Variants in ATG2A observed in about 807,000 individuals in gnomAD.
The protein encoded by ATG2A is autophagy-related protein 2 homolog A.
Under a neutral mutation model 214.2 loss-of-function variants are expected in ATG2A, and 103 were observed. That is an observed-to-expected ratio of 0.48 (90% confidence interval 0.41 to 0.57). The LOEUF (loss-of-function observed/expected upper bound fraction) is 0.57. ATG2A is among the 20% of genes least tolerant of loss of function. The pLI, the probability that ATG2A is intolerant of heterozygous loss-of-function variation, is 0.00. For synonymous variants in ATG2A, 1,160 were observed against 1,142.1 expected (o/e 1.02, Z -0.32); for missense variants, 2,312 against 2,613.2 (o/e 0.88, Z 2.51).
intron 24 of ATG2A, among the ~76,000 whole-genome samples, chr11:64,904,502 G>A (rs183255116): frequency 2.0e-5 from 3 of 150,002 alleles, no homozygotes; most frequent in African/African-American, 4.9e-5. Context: ...CTGAGATTGC[G>A]CCACTGCACT....
At position 64,911,707 on chromosome 11, in the gene ATG2A, C is replaced by G. The variant is rs1293067147; in HGVS notation, c.1228+135G>C. On this transcript the variant is annotated intron_variant, in intron 9 of 40. Coordinates refer to ENST00000377264, the MANE Select transcript of ATG2A (RefSeq NM_015104.3). ...CACCAGCTCCCACCTTGTTTGGTCCCCAGGGAACCAAGTCACAGATGGTAG... is the reference window on the plus strand; with the variant it reads ...CACCAGCTCCCACCTTGTTTGGTCCGCAGGGAACCAAGTCACAGATGGTAG... 3.8e-6 allele frequency: 5 copies of G among 1,304,612 alleles called. No homozygotes were observed. In the East Asian group the frequency reaches 7.4e-5, roughly 19 times the overall value. 80.8% of individuals were successfully genotyped at this position (1,304,612 alleles called of 1,614,324 possible).
intron 31 of ATG2A, among the ~76,000 whole-genome samples, chr11:64,900,025 A>ATTTTTTT (rs35952373): frequency 1.7e-5 from 2 of 120,092 alleles, no homozygotes; most frequent in African/African-American, 6.0e-5. Flanking sequence ...CAAATGGTTA[A>ATTTTTTT]TTTTTTTTTT....
In ATG2A at chr11:64,907,647, A is replaced by G. The variant is rs748969801; in HGVS notation, c.2525T>C (p.Leu842Pro). Residue 842 changes from leucine to proline, a missense_variant, in exon 18 of 41, where the codon CTC becomes CCC. By Grantham distance (98) the Leu-to-Pro change is moderately conservative. Transcript: ENST00000377264. ...SIYNRINNDLLMWEPADLLPT... is the reference protein window; with the variant it reads ...SIYNRINNDLPMWEPADLLPT... ...AAGCAGATCTGCAGGCTCCCACATG[A>G]GCAGGTCGTTGTTGATCCTGAGATA... 1 of 1,599,270 alleles carries G rather than the reference A, an allele frequency of 6.3e-7. No homozygotes were observed. The highest frequency in any genetic ancestry group is 8.5e-7 in the Non-Finnish European group (1 of 1,172,676).
rs372693080 is a variant in ATG2A, at chr11:64,909,907, C to T, written c.1881G>A (p.Ala627=). Residue 627 remains alanine (A), a synonymous_variant, in exon 14 of 41, where the codon GCG becomes GCA. Transcript: ENST00000377264. ...GCCGAAATACCGTCTGCTGCTCCAT[C>T]GCCGGCAGGGGCTCTGTCTGCAGGA... ...PAGLLTEPLP[A]MEQQTVFRLS... 6.9e-6 allele frequency: 11 copies of T among 1,603,088 alleles called. No individual in the cohort carries two copies. The highest frequency in any genetic ancestry group is 9.4e-6 in the Non-Finnish European group (11 of 1,175,374).
In ATG2A at chr11:64,898,847, G is replaced by A; in HGVS notation, c.4465-5C>T. The A allele has an allele frequency of 6.2e-7, 1 of 1,606,350 alleles. No homozygotes were observed. Among genetic ancestry groups the A allele is most frequent in the Non-Finnish European group, 8.5e-7 (1 of 1,179,292 alleles). On this transcript the variant is annotated splice_polypyrimidine_tract_variant and splice_region_variant and intron_variant, in intron 31 of 40. Coordinates refer to ENST00000377264, the MANE Select transcript of ATG2A (RefSeq NM_015104.3). The surrounding 1 kb of genome is among the most constrained non-coding windows in gnomAD (Gnocchi z 4.5). Reference sequence around the variant, plus strand: ...CACCTCGTGCTGGAAGCTTACCTGTGGGGTGGACAGAGGCCTGGCCAGGTA... The same window carrying A: ...CACCTCGTGCTGGAAGCTTACCTGTAGGGTGGACAGAGGCCTGGCCAGGTA...
chr11:64,916,918 G>GA (rs1945011253), intron 1 of ATG2A, 47 bp downstream of exon 1: 5 of 1,604,298 alleles, frequency 3.1e-6, no homozygotes, highest in Admixed American at 1.7e-5. Context: ...TCAGGTCGCT[G>GA]CGCTCCCACC....
In ATG2A at chr11:64,910,827, A is replaced by G. The variant is rs1944742716; in HGVS notation, c.1594T>C (p.Ser532Pro). The G allele has an allele frequency of 3.1e-6, 5 of 1,609,722 alleles. No homozygotes were observed. The highest frequency in any genetic ancestry group is 1.1e-5 in the South Asian group (1 of 90,378). The part of the protein sequence containing the change: ...VLECLWPRGT[S>P]EPEYTEILTF... ...CTCACCTCCGTGTACTCAGGCTCAG[A>G]GGTGCCCCGGGGCCACAGACACTCC... The change falls in exon 11 of 41, where the codon TCT (serine) becomes CCT (proline). Residue 532 changes from serine (S) to proline (P), a missense_variant. Transcript: ENST00000377264.
At position 64,903,192 on chromosome 11, in the gene ATG2A, G is replaced by A. The variant is rs922680207; in HGVS notation, c.3612+96C>T. ...GGAAGGGCAGGCATGAACTGTGTCC[G>A]GAGCCCAGGCACGTGAGGGAGCAGC... On this transcript the variant is annotated intron_variant, in intron 26 of 40. Coordinates refer to ENST00000377264, the MANE Select transcript of ATG2A (RefSeq NM_015104.3). The surrounding 1 kb of genome is among the most constrained non-coding windows in gnomAD (Gnocchi z 4.2). 1.8e-5 allele frequency: 22 copies of A among 1,192,188 alleles called. No individual in the cohort carries two copies. The highest frequency in any genetic ancestry group is 9.0e-5 in the African/African-American group (6 of 66,484). The allele number at this position is 1,192,188 out of a possible 1,614,324, so 73.9% of individuals were successfully genotyped here.
intron 16 of ATG2A, among the ~76,000 whole-genome samples, chr11:64,908,307 C>G (rs1021420650): frequency 1.3e-5 from 2 of 152,158 alleles, no homozygotes; most frequent in Admixed American, 6.5e-5. Flanking sequence ...AATCCCAGCA[C>G]TTTGGGAGGC....
intron 26 of ATG2A, 151 bp from the exon 27 acceptor site, chr11:64,902,831 C>T (rs926728486): frequency 3.1e-5 from 21 of 678,460 alleles, no homozygotes; most frequent in Non-Finnish European, 5.0e-5. Context: ...TGCCCAGTAA[C>T]TCCACTGAAC....
Position 64,910,922 on chromosome 11 carries a change from T to A in ATG2A, c.1499A>T (p.Glu500Val). ...CCGGCCCCGACTGCCCGTCCGCAGC[T>A]CCCAGGACAGCTGCACGGCTGTGCC... ...LTGTAVQLSW[E>V]LRTGSRGRRT... is the part of the protein sequence containing the mutation. Residue 500 changes from glutamate (E) to valine (V), a missense_variant, in exon 11 of 41, where the codon GAG (glutamate) becomes GTG (valine). Transcript: ENST00000377264. 1 of 1,613,124 alleles carries A rather than the reference T, an allele frequency of 6.2e-7. No individual in the cohort carries two copies. Among genetic ancestry groups the A allele is most frequent in the East Asian group, 2.2e-5 (1 of 44,882 alleles).
In ATG2A at chr11:64,894,650, C is replaced by A. The variant is rs534891434; in HGVS notation, c.*323G>T. On this transcript the variant is annotated 3_prime_UTR_variant, in exon 41 of 41. Coordinates refer to ENST00000377264, the MANE Select transcript of ATG2A (RefSeq NM_015104.3). ...CACGGATATCATCCCCTCCTCCCCCCAGACACAGAAAGACACTTGGCTGAG... is the reference window on the plus strand; with the variant it reads ...CACGGATATCATCCCCTCCTCCCCCAAGACACAGAAAGACACTTGGCTGAG... The A allele has an allele frequency of 4.7e-6, 3 of 636,712 alleles. No individual in the cohort carries two copies. The highest frequency in any genetic ancestry group is 2.1e-5 in the Admixed American group (1 of 47,840). 39.4% of individuals were successfully genotyped at this position (636,712 alleles called of 1,614,324 possible).
Position 64,898,606 on chromosome 11 carries a change from C to T in ATG2A, c.4671+30G>A, listed in dbSNP as rs1304891066. 1 of 1,604,560 alleles carries T rather than the reference C, an allele frequency of 6.2e-7. No individual in the cohort carries two copies. The highest frequency in any genetic ancestry group is 8.5e-7 in the Non-Finnish European group (1 of 1,171,800). On this transcript the variant is annotated intron_variant, in intron 32 of 40. Coordinates refer to ENST00000377264, the MANE Select transcript of ATG2A (RefSeq NM_015104.3). The surrounding 1 kb of genome is among the most constrained non-coding windows in gnomAD (Gnocchi z 4.5). ...TATCCCCAACGGTCTGGTGCCCTGC[C>T]CCAGGGTGGATGGTGCAGGTCGCTC...
chr11:64,909,030 C>T lies in ATG2A; in HGVS notation c.2325G>A (p.Ser775=), dbSNP rs147209647. ...SPCELREPEP[S]PFSSKRTMYE... ...ACATGGTCCTCTTAGAGGAGAAGGG[C>T]GAGGGCTCAGGTTCCCGCAGCTCAC... The change falls in exon 16 of 41, where the codon TCG becomes TCA. Residue 775 remains serine, a synonymous_variant. Transcript: ENST00000377264. The T allele has an allele frequency of 5.3e-5, 85 of 1,609,346 alleles. No individual in the cohort carries two copies. The highest frequency in any genetic ancestry group is 6.7e-5 in the Non-Finnish European group (79 of 1,178,292).
At position 64,898,908 on chromosome 11, in the gene ATG2A, A is replaced by C. The variant is rs1944255898; in HGVS notation, c.4465-66T>G. 10 of 1,460,816 alleles carry C rather than the reference A, an allele frequency of 6.8e-6. No individual in the cohort carries two copies. The highest frequency in any genetic ancestry group is 9.4e-6 in the Non-Finnish European group (10 of 1,069,266). The allele number at this position is 1,460,816 out of a possible 1,614,324, so 90.5% of individuals were successfully genotyped here. On this transcript the variant is annotated intron_variant, in intron 31 of 40. Coordinates refer to ENST00000377264, the MANE Select transcript of ATG2A (RefSeq NM_015104.3). This position sits in a 1 kb window ranked among gnomAD's most constrained non-coding sequence, Gnocchi z 4.5. ...CAAGAGGGAGGGAAGGGCTGGCCCC[A>C]GACCCCTTCTCTATTCTTTTTTTGA...
At chr11:64,899,306 A>G (rs1340451809) in intron 31 of ATG2A, among the ~76,000 whole-genome samples, 1 of 151,946 alleles carries the variant, frequency 6.6e-6, no homozygotes, top group Non-Finnish European at 1.5e-5. Context: ...TCTGCCCCTC[A>G]AGGAGTCCAG....
Position 64,898,079 on chromosome 11 carries a change from C to G in ATG2A, c.4858+7G>C, listed in dbSNP as rs766454135. ...CAGACGCTCCCCTCCCTGGCCCAGCCTCTCACCCTCAGCGGAGGTCTCCCC... is the reference window on the plus strand; with the variant it reads ...CAGACGCTCCCCTCCCTGGCCCAGCGTCTCACCCTCAGCGGAGGTCTCCCC... On this transcript the variant is annotated splice_region_variant and intron_variant, in intron 34 of 40. Transcript: ENST00000377264. The surrounding 1 kb of genome is among the most constrained non-coding windows in gnomAD (Gnocchi z 4.5). 1 of 1,613,614 alleles carries G rather than the reference C, an allele frequency of 6.2e-7. No individual in the cohort carries two copies. The highest frequency in any genetic ancestry group is 1.3e-5 in the African/African-American group (1 of 74,916).
chr11:64,902,237 T>C (rs1565747019), intron 28 of ATG2A, 23 bp downstream of exon 28: 3 of 1,613,000 alleles, frequency 1.9e-6, no homozygotes, highest in Non-Finnish European at 2.5e-6. Context: ...GTGTCTGCTG[T>C]CCCCACAGCA....
Position 64,903,403 on chromosome 11 carries a change from C to T in ATG2A, c.3536-39G>A, listed in dbSNP as rs769910950. The T allele has an allele frequency of 2.5e-6, 4 of 1,607,612 alleles. No homozygotes were observed. Among genetic ancestry groups the T allele is most frequent in the Non-Finnish European group, 3.4e-6 (4 of 1,174,928 alleles). ...GAGAGAAAGGTCCTGTGGCCCCCTT[C>T]CACCCGGCCCCGGCCCCAGCACCTG... On this transcript the variant is annotated intron_variant, in intron 25 of 40. Coordinates refer to ENST00000377264, the MANE Select transcript of ATG2A (RefSeq NM_015104.3). The surrounding 1 kb of genome is among the most constrained non-coding windows in gnomAD (Gnocchi z 4.2).
Sources: gnomAD v4.1 joint callset for allele counts (sites outside exome capture counted in the v4.1 genomes callset) on GRCh38, gnomAD v4.1.1 for gene constraint, Gnocchi (gnomAD v3.1) non-coding constraint, MANE v1.5 for transcripts, NCBI Gene and HGNC (gene_info 2026-07-23, HGNC 2026-07-21) for gene names.